ACBD3: variants seen among roughly 807,000 people sequenced by gnomAD.
ACBD3 encodes acyl-CoA binding domain containing 3, also known as Golgi resident protein GCP60.
In ACBD3, 30 loss-of-function variants were observed where a neutral mutation model predicts 66.9. That is an observed-to-expected ratio of 0.45 (90% CI 0.34 to 0.61). The LOEUF is 0.61. ACBD3 is among the 20% of genes least tolerant of loss of function. ACBD3 has a pLI of 0.02. For synonymous variants in ACBD3, 278 were observed against 259.8 expected (o/e 1.07, Z -0.68); for missense variants, 544 against 664.5 (o/e 0.82, Z 1.99).
intron 1 of ACBD3, among the ~76,000 whole-genome samples, chr1:226,181,365 G>A (rs796325564): frequency 8.5e-5 from 13 of 152,192 alleles, no homozygotes; most frequent in African/African-American, 3.1e-4. Flanking sequence ...TCTTGTAGTT[G>A]CCTATGTTTA....
intron 1 of ACBD3, among the ~76,000 whole-genome samples, chr1:226,178,574 CAAAAAAA>C (rs57231361): frequency 1.2e-5 from 1 of 83,636 alleles, no homozygotes. Flanking sequence ...GACTCCGTCT[CAAAAAAA>C]AAAAAAAAAA....
intron 1 of ACBD3, among the ~76,000 whole-genome samples, chr1:226,173,170 G>A (rs564025544): frequency 3.9e-5 from 6 of 152,044 alleles, no homozygotes; most frequent in African/African-American, 1.4e-4. Flanking sequence ...TACTAGGGTG[G>A]CCAAGATGAG....
At chr1:226,152,211 A>C in intron 7 of ACBD3, 124 bp downstream of exon 7, 1 of 1,324,218 alleles carries the variant, frequency 7.6e-7, no homozygotes, top group Non-Finnish European at 1.0e-6. Context: ...CCCACTAATG[A>C]AGAAAGTGTT....
chr1:226,166,249 G>T (rs1437626252), intron 1 of ACBD3, among the ~76,000 whole-genome samples: 1 of 151,470 alleles, frequency 6.6e-6, no homozygotes, highest in Non-Finnish European at 1.5e-5. Flanking sequence ...TTGACCTCCG[G>T]GACTCAAATG....
intron 4 of ACBD3, among the ~76,000 whole-genome samples, chr1:226,160,063 A>T (rs544094748): frequency 5.9e-5 from 9 of 151,912 alleles, no homozygotes; most frequent in African/African-American, 2.2e-4. Context: ...AGAGATACTC[A>T]TATTCTTTTA....
intron 7 of ACBD3, among the ~76,000 whole-genome samples, chr1:226,150,599 G>C (rs1340605187): frequency 6.6e-6 from 1 of 152,064 alleles, no homozygotes; most frequent in Non-Finnish European, 1.5e-5. Context: ...GACTGGTCTC[G>C]AACTCCTGAC....
chr1:226,186,536 G>C lies in ACBD3; in HGVS notation c.140C>G (p.Ser47Cys). 3 of 1,378,596 alleles carry C rather than the reference G, an allele frequency of 2.2e-6. No individual in the cohort carries two copies. Among genetic ancestry groups the C allele is most frequent in the Non-Finnish European group, 2.8e-6 (3 of 1,071,848 alleles). 85.4% of individuals were successfully genotyped at this position (1,378,596 alleles called of 1,614,324 possible). The change falls in exon 1 of 8, where the codon TCC becomes TGC. Residue 47 changes from serine to cysteine, a missense_variant. Physicochemically the swap from Ser to Cys is moderately radical, Grantham distance 112. Coordinates refer to ENST00000366812, the MANE Select transcript of ACBD3 (RefSeq NM_022735.4). ...PPLPPPSPPG[S>C]GRGPGASGEQ... ...CCCTGAGGCGCCCGGGCCGCGACCG[G>C]ATCCAGGTGGCGAGGGCGGTGGCAG... is the stretch of plus-strand genomic sequence containing the variant.
chr1:226,176,290 G>A (rs537733402), intron 1 of ACBD3, among the ~76,000 whole-genome samples: 7 of 152,238 alleles, frequency 4.6e-5, no homozygotes, highest in African/African-American at 1.4e-4. Context: ...GCTGGGCATG[G>A]TGCACGTGCC....
chr1:226,154,536 C>T, intron 6 of ACBD3, 111 bp downstream of exon 6: 1 of 1,292,072 alleles, frequency 7.7e-7, no homozygotes. Context: ...ATGTTCAACT[C>T]TCACAAATAT....
intron 5 of ACBD3, among the ~76,000 whole-genome samples, chr1:226,157,979 A>C (rs1313903150): frequency 2.0e-5 from 3 of 152,252 alleles, no homozygotes; most frequent in East Asian, 1.9e-4. Flanking sequence ...CCTATCAAAG[A>C]AGCAGGAAAA....
chr1:226,154,555 T>G, intron 6 of ACBD3, 92 bp downstream of exon 6: 3 of 1,402,734 alleles, frequency 2.1e-6, no homozygotes, highest in Non-Finnish European at 2.9e-6. Context: ...ATGTAATTGT[T>G]CTCAAAAGCT....
At chr1:226,168,169 G>C (rs953781874) in intron 1 of ACBD3, among the ~76,000 whole-genome samples, 1 of 152,084 alleles carries the variant, frequency 6.6e-6, no homozygotes, top group Non-Finnish European at 1.5e-5. Context: ...TATTATATTT[G>C]TATATTGTAA....
In ACBD3 at chr1:226,145,230, CAG is replaced by C. The variant is rs1314277052; in HGVS notation, c.*1378_*1379del. ...ATGTACAAAACCAGGTATTAAAAAA[CAG>C]AAAGAAATACAGCACACAAAAAACT... On this transcript the variant is annotated 3_prime_UTR_variant, in exon 8 of 8. Coordinates refer to ENST00000366812, the MANE Select transcript of ACBD3 (RefSeq NM_022735.4). 1.3e-5 allele frequency: 2 copies of C among 152,350 alleles called. No homozygotes were observed. The highest frequency in any genetic ancestry group is 1.5e-5 in the Non-Finnish European group (1 of 67,960). 9.4% of individuals were successfully genotyped at this position (152,350 alleles called of 1,614,324 possible). A position where few individuals can be genotyped will look rare whatever the true frequency, so the allele number is the denominator to read the frequency against.
intron 5 of ACBD3, among the ~76,000 whole-genome samples, chr1:226,157,592 T>A (rs1274259841): frequency 6.6e-6 from 1 of 152,114 alleles, no homozygotes; most frequent in African/African-American, 2.4e-5. Flanking sequence ...CAGGCTGGAA[T>A]GTAGTGGCGC....
chr1:226,152,615 A>C lies in ACBD3; in HGVS notation c.1095T>G (p.Ser365=). 6.2e-7 allele frequency: 1 copy of C among 1,613,540 alleles called. No individual in the cohort carries two copies. The highest frequency in any genetic ancestry group is 8.5e-7 in the Non-Finnish European group (1 of 1,179,646). ...TGGATGGAGCTGCTATTACTGGAAG[A>C]GATTCTAAAGGCAATAGGTATTAAA... ...EEALENGPKE[S]LPVIAAPSMW... Residue 365 remains serine, a synonymous_variant, in exon 7 of 8, where the codon TCT becomes TCG. Coordinates refer to ENST00000366812, the MANE Select transcript of ACBD3 (RefSeq NM_022735.4).
At position 226,186,713 on chromosome 1, in the gene ACBD3, A is replaced by T; in HGVS notation, c.-38T>A. 4 of 1,442,026 alleles carry T rather than the reference A, an allele frequency of 2.8e-6. No individual in the cohort carries two copies. The highest frequency in any genetic ancestry group is 3.6e-6 in the Non-Finnish European group (4 of 1,101,788). The allele number at this position is 1,442,026 out of a possible 1,614,324, so 89.3% of individuals were successfully genotyped here. A position where few individuals can be genotyped will look rare whatever the true frequency, so the allele number is the denominator to read the frequency against. On this transcript the variant is annotated 5_prime_UTR_variant, in exon 1 of 8. Transcript: ENST00000366812. ...CACCTCCTCAGCGGGGACAGACGGC[A>T]GCCACGTATCGACTTCCTGCTGACC...
chr1:226,176,338 C>T (rs1451458211), intron 1 of ACBD3, among the ~76,000 whole-genome samples: 1 of 149,478 alleles, frequency 6.7e-6, no homozygotes, highest in Non-Finnish European at 1.5e-5. Context: ...GGCTGGAGAA[C>T]TGCTTGAACC....
rs1659590317 is a variant in ACBD3, at chr1:226,152,261, G to T, written c.1375+74C>A. Reference sequence around the variant, plus strand: ...TGTTAGTCAGGAAGCATAAGGCTGGGTGACACCTGAACTATGTACCATTTC... The same window carrying T: ...TGTTAGTCAGGAAGCATAAGGCTGGTTGACACCTGAACTATGTACCATTTC... On this transcript the variant is annotated intron_variant, in intron 7 of 7. Transcript: ENST00000366812. 12 of 1,553,208 alleles carry T rather than the reference G, an allele frequency of 7.7e-6. No individual in the cohort carries two copies. The Admixed American group carries it at 2.1e-4, about 27-fold the overall frequency.
At chr1:226,159,573 C>T (rs911200253) in intron 4 of ACBD3, among the ~76,000 whole-genome samples, 41 of 152,212 alleles carry the variant, frequency 2.7e-4, no homozygotes, top group South Asian at 2.1e-4. Flanking sequence ...CAGGAAAATT[C>T]GGGATGGAAG....
Sources: allele counts gnomAD v4.1 joint callset (sites outside exome capture counted in the v4.1 genomes callset), GRCh38; gene constraint gnomAD v4.1.1; transcripts MANE v1.5; gene names NCBI Gene and HGNC (gene_info 2026-07-23, HGNC 2026-07-21).